The following CEP128 variants were observed in gnomAD, a reference collection of about 807,000 sequenced individuals.
CEP128 encodes the protein centrosomal protein 128.
A neutral mutation model predicts 156.7 loss-of-function variants in CEP128; 132 were observed. The ratio of observed to expected loss-of-function variants is 0.84; its 90% CI spans 0.73 to 0.97. The LOEUF (loss-of-function observed/expected upper bound fraction) is 0.97, where lower values mean the gene tolerates loss of function less well. CEP128 is among the 50% of genes least tolerant of loss of function. The pLI, the probability that CEP128 is intolerant of heterozygous loss-of-function variation, is 0.00. For synonymous variants in CEP128, 469 were observed against 448.9 expected, an observed-to-expected ratio of 1.04 and a Z score of -0.57; for missense variants, 1,252 against 1,281.9, an observed-to-expected ratio of 0.98 and a Z score of 0.36.
At chr14:80,623,628 A>G (rs904026704) in intron 19 of CEP128, among the ~76,000 whole-genome samples, 14 of 152,002 alleles carry the variant, frequency 9.2e-5, no homozygotes, top group Non-Finnish European at 4.4e-5. Context: ...ACAAAAAAAA[A>G]GGAAATAGGT....
At chr14:80,548,289 T>C (rs572748991) in intron 21 of CEP128, among the ~76,000 whole-genome samples, 2 of 152,344 alleles carry the variant, frequency 1.3e-5, no homozygotes, top group South Asian at 4.1e-4. Context: ...TTCCATCATT[T>C]AAAACTATTC....
At chr14:80,806,708 G>A in intron 13 of CEP128, among the ~76,000 whole-genome samples, 1 of 152,094 alleles carries the variant, frequency 6.6e-6, no homozygotes, top group East Asian at 1.9e-4. Context: ...AAATGCGATA[G>A]GCCAAAGCAA....
At chr14:80,769,599 C>A (rs940580864) in intron 16 of CEP128, among the ~76,000 whole-genome samples, 1 of 152,066 alleles carries the variant, frequency 6.6e-6, no homozygotes, top group Non-Finnish European at 1.5e-5. Context: ...TCCTTTTTTA[C>A]GGCTGCATAG....
intron 19 of CEP128, among the ~76,000 whole-genome samples, chr14:80,737,215 C>T (rs1898577335): frequency 6.6e-6 from 1 of 151,972 alleles, no homozygotes; most frequent in Non-Finnish European, 1.5e-5. Context: ...ACCAGCCCGG[C>T]CAGTATGGTG....
At chr14:80,743,618 A>T (rs1898946802) in intron 18 of CEP128, among the ~76,000 whole-genome samples, 1 of 152,180 alleles carries the variant, frequency 6.6e-6, no homozygotes, top group African/African-American at 2.4e-5. Flanking sequence ...CCCAGAATAG[A>T]ACTACAGACT....
chr14:80,484,530 T>C (rs1173755981), intron 14 of CEP128, among the ~76,000 whole-genome samples: 4 of 152,320 alleles, frequency 2.6e-5, no homozygotes, highest in Admixed American at 2.6e-4. Flanking sequence ...GTTAAATTGA[T>C]CAAACATTTA....
At chr14:80,550,812 T>TAAAAAAA (rs35063739) in intron 21 of CEP128, among the ~76,000 whole-genome samples, 1 of 137,172 alleles carries the variant, frequency 7.3e-6, no homozygotes, top group Non-Finnish European at 1.6e-5. Context: ...ATGTGAAATG[T>TAAAAAAA]AAAAAAAAAA....
At chr14:80,563,524 CTTTTTTTTTTTTTT>C (rs540593415) in intron 20 of CEP128, among the ~76,000 whole-genome samples, 1 of 78,872 alleles carries the variant, frequency 1.3e-5, no homozygotes, top group Non-Finnish European at 2.2e-5. Context: ...GCCTCCAAAT[CTTTTTTTTTTTTTT>C]TTTTTTTTTT....
intron 19 of CEP128, among the ~76,000 whole-genome samples, chr14:80,642,330 ATG>A (rs1160198139): frequency 6.6e-6 from 1 of 152,160 alleles, no homozygotes; most frequent in Non-Finnish European, 1.5e-5. Flanking sequence ...AGAACATGGG[ATG>A]TGTAATTAGG....
chr14:80,656,023 A>ACCTTCTAGTCAGCTTTG (rs1895118109), intron 19 of CEP128, among the ~76,000 whole-genome samples: 1 of 151,042 alleles, frequency 6.6e-6, no homozygotes, highest in Non-Finnish European at 1.5e-5. Context: ...AGTCAGCTTT[A>ACCTTCTAGTCAGCTTTG]CTAAACATCC....
At chr14:80,796,479 T>C (rs540004055) in intron 13 of CEP128, among the ~76,000 whole-genome samples, 1 of 152,112 alleles carries the variant, frequency 6.6e-6, no homozygotes, top group South Asian at 2.1e-4. Flanking sequence ...AAAATTTCCT[T>C]CACCTAGTTT....
At chr14:80,572,403 T>G (rs1891178946) in intron 20 of CEP128, among the ~76,000 whole-genome samples, 1 of 152,226 alleles carries the variant, frequency 6.6e-6, no homozygotes, top group Non-Finnish European at 1.5e-5. Flanking sequence ...TGTTGCACAC[T>G]ATAGTCATTA....
At chr14:80,536,428 G>A (rs1207972764) in intron 21 of CEP128, among the ~76,000 whole-genome samples, 1 of 152,126 alleles carries the variant, frequency 6.6e-6, no homozygotes, top group East Asian at 1.9e-4. Flanking sequence ...AAAAATAAAT[G>A]TGTGAGTTTT....
chr14:80,918,517 G>T (rs1008318565), intron 2 of CEP128, among the ~76,000 whole-genome samples: 1 of 152,142 alleles, frequency 6.6e-6, no homozygotes, highest in African/African-American at 2.4e-5. Flanking sequence ...GGATGCTACT[G>T]CTAAAAGATA....
In CEP128 at chr14:80,560,623, C is replaced by A. The variant is rs376918408; in HGVS notation, c.2857-1321G>T. Among the ~76,000 whole-genome samples the A allele has an allele frequency of 7.4e-4, 112 of 152,040 alleles. 1 individual carries two copies. The highest frequency in any genetic ancestry group is 2.6e-3 in the African/African-American group (108 of 41,454). Reference sequence around the variant, plus strand: ...GGAGATTAGCATTTTAGTCAGTGGGCTGAGGAAGGCAGACCCACCGTTAAT... The same window carrying A: ...GGAGATTAGCATTTTAGTCAGTGGGATGAGGAAGGCAGACCCACCGTTAAT... On this transcript the variant is annotated intron_variant, in intron 20 of 24. Transcript: ENST00000555265.
chr14:80,885,879 T>G (rs1888772655), intron 8 of CEP128, among the ~76,000 whole-genome samples: 2 of 151,988 alleles, frequency 1.3e-5, no homozygotes, highest in African/African-American at 4.8e-5. Context: ...CTAAGAACCT[T>G]GATAAAAGGT....
At chr14:80,755,938 A>G (rs532023652) in intron 18 of CEP128, among the ~76,000 whole-genome samples, 3 of 152,340 alleles carry the variant, frequency 2.0e-5, no homozygotes, top group African/African-American at 7.2e-5. Context: ...AAAACTGCTC[A>G]CAAGCTCCCA....
chr14:80,601,645 C>T (rs888308881), intron 19 of CEP128, among the ~76,000 whole-genome samples: 6 of 152,000 alleles, frequency 3.9e-5, no homozygotes, highest in African/African-American at 4.8e-5. Flanking sequence ...TTGTACAGCA[C>T]GTTACTGTAC....
At chr14:80,512,343 C>A (rs866733854) in intron 23 of CEP128, among the ~76,000 whole-genome samples, 1 of 151,796 alleles carries the variant, frequency 6.6e-6, no homozygotes, top group East Asian at 1.9e-4. Flanking sequence ...CTATGATAAC[C>A]TTGTCTTTTA....
Sources: gnomAD v4.1 joint callset for allele counts (sites outside exome capture counted in the v4.1 genomes callset) on GRCh38, gnomAD v4.1.1 for gene constraint, MANE v1.5 for transcripts, NCBI Gene and HGNC (gene_info 2026-07-23, HGNC 2026-07-21) for gene names.